Variants in PRKAR2A observed in about 807,000 individuals in gnomAD.
PRKAR2A encodes the protein protein kinase cAMP-dependent type II regulatory subunit alpha.
PRKAR2A carries 29 observed loss-of-function variants against 51.9 expected under a neutral mutation model. The ratio of observed to expected loss-of-function variants is 0.56; its 90% CI spans 0.42 to 0.76. The LOEUF (loss-of-function observed/expected upper bound fraction) is 0.76, where lower values mean the gene tolerates loss of function less well. Among genes scored for constraint, PRKAR2A ranks in the 30% least tolerant of loss-of-function variants. PRKAR2A has a pLI of 0.00. For synonymous variants in PRKAR2A, 178 were observed against 186.2 expected, an observed-to-expected ratio of 0.96 and a Z score of 0.36; for missense variants, 445 against 512.1, an observed-to-expected ratio of 0.87 and a Z score of 1.26.
intron 1 of PRKAR2A, among the ~76,000 whole-genome samples, chr3:48,830,263 G>A (rs902127476): frequency 6.6e-6 from 1 of 151,760 alleles, no homozygotes; most frequent in African/African-American, 2.4e-5. Flanking sequence ...TACAGGGTCA[G>A]GACCGCCTAG....
At chr3:48,808,851 G>T (rs571949392) in intron 1 of PRKAR2A, among the ~76,000 whole-genome samples, 49 of 74,436 alleles carry the variant, frequency 6.6e-4, no homozygotes, top group Middle Eastern at 7.8e-3. Context: ...CATCATGTTG[G>T]CCAGGCTGGT....
intron 6 of PRKAR2A, among the ~76,000 whole-genome samples, chr3:48,769,120 C>A (rs2081984415): frequency 6.6e-6 from 1 of 150,744 alleles, no homozygotes; most frequent in Admixed American, 6.7e-5. Flanking sequence ...ACAACAACAA[C>A]AGATTTCTAA....
intron 1 of PRKAR2A, among the ~76,000 whole-genome samples, chr3:48,844,126 A>C (rs914161850): frequency 6.6e-6 from 1 of 152,152 alleles, no homozygotes; most frequent in Non-Finnish European, 1.5e-5. Flanking sequence ...CAATGAACTC[A>C]AACAAATTTA....
chr3:48,785,131 C>A (rs1431035610), intron 4 of PRKAR2A, among the ~76,000 whole-genome samples: 1 of 147,978 alleles, frequency 6.8e-6, no homozygotes, highest in Admixed American at 6.8e-5. Flanking sequence ...CACTTTGTCA[C>A]CCAGGCTGGA....
intron 4 of PRKAR2A, among the ~76,000 whole-genome samples, chr3:48,784,342 T>C (rs773633150): frequency 2.0e-5 from 3 of 152,234 alleles, no homozygotes; most frequent in Non-Finnish European, 2.9e-5. Context: ...ACTACCAAGA[T>C]AATTGAGTAT....
chr3:48,790,474 A>C, intron 4 of PRKAR2A, 70 bp downstream of exon 4: 1 of 1,135,090 alleles, frequency 8.8e-7, no homozygotes, highest in Admixed American at 2.6e-5. Flanking sequence ...TAAAAATTAA[A>C]GTTTAAGTGA....
chr3:48,773,001 C>T lies in PRKAR2A; in HGVS notation c.650G>A (p.Arg217Lys), dbSNP rs2082050501. ...GELALMYNTPRAATIVATSEG... is the reference protein window; with the variant it reads ...GELALMYNTPKAATIVATSEG... ...TGAGGTAGCAACAATGGTAGCAGCT[C>T]TCGGGGTGTTGTACATCAGAGCTAG... The change falls in exon 6 of 11, where the codon AGA becomes AAA. Residue 217 changes from arginine to lysine, a missense_variant. Physicochemically the swap from Arg to Lys is conservative, Grantham distance 26. Coordinates refer to ENST00000265563, the MANE Select transcript of PRKAR2A (RefSeq NM_004157.4). 1 of 1,613,850 alleles carries T rather than the reference C, an allele frequency of 6.2e-7. No individual in the cohort carries two copies. The highest frequency in any genetic ancestry group is 8.5e-7 in the Non-Finnish European group (1 of 1,179,856).
intron 5 of PRKAR2A, among the ~76,000 whole-genome samples, chr3:48,781,104 G>A (rs973272983): frequency 6.6e-6 from 1 of 151,030 alleles, no homozygotes; most frequent in Non-Finnish European, 1.5e-5. Flanking sequence ...CCAAGTAACT[G>A]GGACCACAGG....
At position 48,813,619 on chromosome 3, in the gene PRKAR2A, G is replaced by A. The variant is rs563380855; in HGVS notation, c.263-5935C>T. ...TGAGGCAGAAGAATCACTTGAACCC[G>A]GGAGGCGGAGGTTGCAGTGAGCCGA... On this transcript the variant is annotated intron_variant, in intron 1 of 10. Transcript: ENST00000265563. 4.0e-5 allele frequency among the ~76,000 whole-genome samples: 6 copies of A among 151,516 alleles called. No homozygotes were observed. The East Asian group carries it at 7.8e-4, about 20-fold the overall frequency.
At position 48,831,403 on chromosome 3, in the gene PRKAR2A, C is replaced by G. The variant is rs866513564; in HGVS notation, c.262+15932G>C. Among the ~76,000 whole-genome samples the G allele has an allele frequency of 8.6e-4, 108 of 125,756 alleles. 1 individual carries two copies. The highest frequency in any genetic ancestry group is 3.0e-3 in the African/African-American group (99 of 33,062). 82.5% of individuals were successfully genotyped at this position (125,756 alleles called of 152,430 possible). On this transcript the variant is annotated intron_variant, in intron 1 of 10. Coordinates refer to ENST00000265563, the MANE Select transcript of PRKAR2A (RefSeq NM_004157.4). ...TTTTTTTTAGAGACAGAGTCTTGCT[C>G]TTATCCAGGCTAGAGTGCAATGGCA...
In PRKAR2A at chr3:48,847,633, C is replaced by T; in HGVS notation, c.-37G>A. On this transcript the variant is annotated 5_prime_UTR_variant, in exon 1 of 11. Coordinates refer to ENST00000265563, the MANE Select transcript of PRKAR2A (RefSeq NM_004157.4). This position sits in a 1 kb window ranked among gnomAD's most constrained non-coding sequence, Gnocchi z 4.4. ...CCGAAGGGATAGACGGGTTGGGCCG[C>T]CGGCGGCCACTGTCTCCGCGCTCAC... 2 of 1,404,718 alleles carry T rather than the reference C, an allele frequency of 1.4e-6. No homozygotes were observed. The highest frequency in any genetic ancestry group is 1.8e-6 in the Non-Finnish European group (2 of 1,085,340). 87.0% of individuals were successfully genotyped at this position (1,404,718 alleles called of 1,614,324 possible). A position where few individuals can be genotyped will look rare whatever the true frequency, so the allele number is the denominator to read the frequency against.
intron 6 of PRKAR2A, among the ~76,000 whole-genome samples, chr3:48,772,453 C>T (rs1012151200): frequency 6.6e-6 from 1 of 152,098 alleles, no homozygotes; most frequent in East Asian, 1.9e-4. Context: ...GTGATCTTCC[C>T]GCCTTGGCCT....
chr3:48,841,040 C>A (rs1313956412), intron 1 of PRKAR2A, among the ~76,000 whole-genome samples: 1 of 150,886 alleles, frequency 6.6e-6, no homozygotes, highest in East Asian at 2.0e-4. Flanking sequence ...CACCACCACA[C>A]CCAGCTAATT....
intron 1 of PRKAR2A, among the ~76,000 whole-genome samples, chr3:48,834,629 G>A (rs1301358565): frequency 6.6e-6 from 1 of 151,590 alleles, no homozygotes; most frequent in Non-Finnish European, 1.5e-5. Flanking sequence ...GGGAGGCTGA[G>A]GCAAGAGGGT....
At chr3:48,787,501 A>G (rs897373912) in intron 4 of PRKAR2A, among the ~76,000 whole-genome samples, 1 of 152,148 alleles carries the variant, frequency 6.6e-6, no homozygotes, top group Non-Finnish European at 1.5e-5. Flanking sequence ...ATAACTTTTC[A>G]ACACTCAAAT....
At chr3:48,810,183 G>C (rs1486209825) in intron 1 of PRKAR2A, among the ~76,000 whole-genome samples, 1 of 151,870 alleles carries the variant, frequency 6.6e-6, no homozygotes, top group Non-Finnish European at 1.5e-5. Flanking sequence ...TCCAGTTCTA[G>C]GAATATGTTC....
chr3:48,769,010 G>T (rs1240397799), intron 6 of PRKAR2A, among the ~76,000 whole-genome samples: 1 of 151,526 alleles, frequency 6.6e-6, no homozygotes, highest in Non-Finnish European at 1.5e-5. Flanking sequence ...TGAGGCAGGA[G>T]AATTGCTTGA....
At chr3:48,839,246 TCA>T (rs1387857612) in intron 1 of PRKAR2A, among the ~76,000 whole-genome samples, 3 of 150,570 alleles carry the variant, frequency 2.0e-5, no homozygotes, top group Non-Finnish European at 4.4e-5. Flanking sequence ...CAAGATCACA[TCA>T]TTGCATTCCA....
chr3:48,783,139 A>G (rs773819473), intron 4 of PRKAR2A, 47 bp from the exon 5 acceptor site: 1 of 1,248,868 alleles, frequency 8.0e-7, no homozygotes, highest in Non-Finnish European at 1.2e-6. Flanking sequence ...ACATATGCTG[A>G]AAAAAAGCAG....
Sources: allele counts gnomAD v4.1 joint callset (sites outside exome capture counted in the v4.1 genomes callset), GRCh38; gene constraint gnomAD v4.1.1; non-coding constraint Gnocchi (gnomAD v3.1); transcripts MANE v1.5; gene names NCBI Gene and HGNC (gene_info 2026-07-23, HGNC 2026-07-21).